The following DCC variants were observed in gnomAD, a reference collection of about 807,000 sequenced individuals.
The protein encoded by DCC is netrin receptor DCC.
A neutral mutation model predicts 172.5 loss-of-function variants in DCC; 58 were observed. The ratio of observed to expected loss-of-function variants is 0.34; its 90% CI spans 0.27 to 0.42. The LOEUF (loss-of-function observed/expected upper bound fraction) is 0.42, where lower values mean the gene tolerates loss of function less well. DCC is among the 10% of genes least tolerant of loss of function. DCC has a pLI of 1.00. For synonymous variants in DCC, 709 were observed against 644.5 expected, an observed-to-expected ratio of 1.10 and a Z score of -1.52; for missense variants, 1,740 against 1,791.0, an observed-to-expected ratio of 0.97 and a Z score of 0.51.
chr18:53,004,731 C>T (rs1316331320), intron 5 of DCC, among the ~76,000 whole-genome samples: 1 of 152,016 alleles, frequency 6.6e-6, no homozygotes, highest in African/African-American at 2.4e-5. Context: ...TGCCTTCCTT[C>T]CATTATGTGT....
At chr18:53,286,992 T>G (rs1391216116) in intron 12 of DCC, among the ~76,000 whole-genome samples, 1 of 152,128 alleles carries the variant, frequency 6.6e-6, no homozygotes, top group Non-Finnish European at 1.5e-5. Context: ...GTGGTGAAAT[T>G]TTCCAGTTTT....
chr18:53,281,042 C>A (rs1344486887), intron 12 of DCC, among the ~76,000 whole-genome samples: 1 of 152,020 alleles, frequency 6.6e-6, no homozygotes, highest in East Asian at 1.9e-4. Context: ...GTTATGAATT[C>A]TTTTGGAATA....
At chr18:52,906,667 AAG>A (rs2039887771) in intron 3 of DCC, among the ~76,000 whole-genome samples, 1 of 152,034 alleles carries the variant, frequency 6.6e-6, no homozygotes, top group Non-Finnish European at 1.5e-5. Flanking sequence ...ATAACAGTCT[AAG>A]AGGTAGTTTT....
At chr18:52,894,217 A>G (rs981930100) in intron 2 of DCC, among the ~76,000 whole-genome samples, 2 of 151,926 alleles carry the variant, frequency 1.3e-5, no homozygotes, top group African/African-American at 2.4e-5. Flanking sequence ...AGCATCTTTC[A>G]TTTTTGTCAC....
chr18:53,414,709 G>A (rs867524269), intron 20 of DCC, among the ~76,000 whole-genome samples: 5 of 152,178 alleles, frequency 3.3e-5, no homozygotes, highest in East Asian at 3.9e-4. Context: ...TTAGCCAGGC[G>A]TGGTGGCACA....
intron 12 of DCC, among the ~76,000 whole-genome samples, chr18:53,235,774 C>T (rs1186682854): frequency 2.0e-5 from 3 of 152,214 alleles, no homozygotes; most frequent in Non-Finnish European, 2.9e-5. Flanking sequence ...AACAATACAT[C>T]GCCGTTCCCC....
chr18:52,470,338 C>A (rs1988911364), intron 1 of DCC, among the ~76,000 whole-genome samples: 2 of 152,000 alleles, frequency 1.3e-5, no homozygotes, highest in Non-Finnish European at 2.9e-5. Flanking sequence ...AGTTGGGTTC[C>A]AGAGAATTTA....
intron 15 of DCC, among the ~76,000 whole-genome samples, chr18:53,351,305 A>ATATATATATATATATATATAG (rs1568074487): frequency 3.7e-5 from 1 of 26,672 alleles, no homozygotes; most frequent in Non-Finnish European, 1.3e-4. Flanking sequence ...ATATATATAT[A>ATATATATATATATATATATAG]TATATATATA....
rs143630496 is a variant in DCC at position 53,453,644 on chromosome 18, T to C, written c.3392+2982T>C. 3.6e-3 allele frequency among the ~76,000 whole-genome samples: 544 copies of C among 152,282 alleles called. 2 individuals are homozygous for C. Among genetic ancestry groups the C allele is most frequent in the African/African-American group, 0.012 (511 of 41,568 alleles). On this transcript the variant is annotated intron_variant, in intron 23 of 28. Transcript: ENST00000442544. ...AGTTGATTCAGACTAGTGGGTAAGA[T>C]TTCATTTTTATTATATAAAATAGCT... is the stretch of plus-strand genomic sequence containing the variant.
At chr18:52,443,674 G>A (rs925155821) in intron 1 of DCC, among the ~76,000 whole-genome samples, 5 of 152,160 alleles carry the variant, frequency 3.3e-5, no homozygotes, top group African/African-American at 1.2e-4. Flanking sequence ...AGAGAGGATG[G>A]AGAAAGGGAA....
At chr18:52,456,406 A>G (rs1294578191) in intron 1 of DCC, among the ~76,000 whole-genome samples, 1 of 152,142 alleles carries the variant, frequency 6.6e-6, no homozygotes, top group East Asian at 1.9e-4. Context: ...CTAGAATAGT[A>G]ATGATGGAAA....
chr18:52,558,521 G>T (rs1011763045), intron 1 of DCC, among the ~76,000 whole-genome samples: 3 of 152,062 alleles, frequency 2.0e-5, no homozygotes, highest in African/African-American at 7.2e-5. Context: ...TTCCTCTCCA[G>T]ATTGCATATT....
At position 52,531,652 on chromosome 18, in the gene DCC, AT is replaced by A. The variant is rs966005656; in HGVS notation, c.91+190783del. Among the ~76,000 whole-genome samples the A allele has an allele frequency of 2.0e-3, 302 of 150,288 alleles. 4 individuals are homozygous for A. Among genetic ancestry groups the A allele is most frequent in the African/African-American group, 7.0e-3 (286 of 40,958 alleles). The stretch of plus-strand genomic sequence containing the variant: ...TCTCCATAGTTTTAATGAGTTTTCC[AT>A]TTTTTTTTCTTAAACTCTTCTTGGC... On this transcript the variant is annotated intron_variant, in intron 1 of 28. Coordinates refer to ENST00000442544, the MANE Select transcript of DCC (RefSeq NM_005215.4).
chr18:52,955,488 G>T (rs896759557), intron 5 of DCC, among the ~76,000 whole-genome samples: 1 of 151,866 alleles, frequency 6.6e-6, no homozygotes, highest in African/African-American at 2.4e-5. Flanking sequence ...TTTGGCAATT[G>T]TGAATAGAGT....
rs569768282 is a variant in DCC, at chr18:52,638,139, G to T, written c.92-113915G>T. On this transcript the variant is annotated intron_variant, in intron 1 of 28. Coordinates refer to ENST00000442544, the MANE Select transcript of DCC (RefSeq NM_005215.4). ...TGCTGGGAGAATTTGCCATTACCAA[G>T]CCACCACTACAAGAACTGCTAAAAG... Among the ~76,000 whole-genome samples, 5 of 152,194 alleles carry T rather than the reference G, an allele frequency of 3.3e-5. No individual in the cohort carries two copies. The East Asian group carries it at 9.6e-4, about 29-fold the overall frequency.
At chr18:52,657,435 C>A (rs2035277849) in intron 1 of DCC, among the ~76,000 whole-genome samples, 1 of 152,124 alleles carries the variant, frequency 6.6e-6, no homozygotes, top group African/African-American at 2.4e-5. Context: ...AGGAGAGGGT[C>A]AAGGTTTCCT....
chr18:53,126,783 T>C (rs2043563454), intron 7 of DCC, among the ~76,000 whole-genome samples: 1 of 152,136 alleles, frequency 6.6e-6, no homozygotes, highest in African/African-American at 2.4e-5. Context: ...AAATAAACTG[T>C]GGTGACATTT....
chr18:53,288,834 C>G (rs1190682421), intron 12 of DCC, among the ~76,000 whole-genome samples: 1 of 152,142 alleles, frequency 6.6e-6, no homozygotes. Context: ...AATAGACTTG[C>G]TCTTTCTGCA....
intron 5 of DCC, among the ~76,000 whole-genome samples, chr18:52,932,622 A>G (rs1014467023): frequency 2.6e-5 from 4 of 152,046 alleles, no homozygotes; most frequent in Non-Finnish European, 5.9e-5. Context: ...GTAGCAACAC[A>G]AAAAACTTGT....
Sources: gnomAD v4.1 joint callset for allele counts (sites outside exome capture counted in the v4.1 genomes callset) on GRCh38, gnomAD v4.1.1 for gene constraint, MANE v1.5 for transcripts, NCBI Gene and HGNC (gene_info 2026-07-23, HGNC 2026-07-21) for gene names.